Variants in RNF38 observed in about 807,000 individuals in gnomAD.
RNF38 encodes the protein ring finger protein 38.
RNF38 carries 15 observed loss-of-function variants against 67.2 expected under a neutral mutation model. That is an observed-to-expected ratio of 0.22 (90% CI 0.15 to 0.34). RNF38 has a LOEUF of 0.34. Ranked by LOEUF, RNF38 falls within the 10% of genes least tolerant of loss-of-function variation. The probability of loss-of-function intolerance (pLI) is 1.00; values close to 1 mark genes in which losing one functional copy is unlikely to be tolerated. For missense variants in RNF38, 524 were observed against 639.9 expected (o/e 0.82, Z 1.95); for synonymous variants, 220 against 218.8 (o/e 1.01, Z -0.05).
chr9:36,438,904 TA>T (rs1839132267), intron 1 of RNF38, among the ~76,000 whole-genome samples: 2 of 152,196 alleles, frequency 1.3e-5, no homozygotes, highest in South Asian at 4.1e-4. Context: ...CATGAGAGCT[TA>T]GGAACTATTA....
At chr9:36,393,742 T>C (rs898561557) in intron 1 of RNF38, among the ~76,000 whole-genome samples, 4 of 152,186 alleles carry the variant, frequency 2.6e-5, no homozygotes, top group African/African-American at 9.7e-5. Context: ...TGGGTGAGCC[T>C]GGGCATGACT....
intron 2 of RNF38, among the ~76,000 whole-genome samples, chr9:36,389,464 A>G (rs1008383802): frequency 5.3e-5 from 8 of 152,224 alleles, no homozygotes; most frequent in African/African-American, 1.9e-4. Flanking sequence ...CTTCTCTGCC[A>G]AATAACTACA....
chr9:36,408,223 T>G (rs1489481559), intron 2 of RNF38, among the ~76,000 whole-genome samples: 1 of 151,968 alleles, frequency 6.6e-6, no homozygotes, highest in East Asian at 1.9e-4. Context: ...GCCTCAGTGC[T>G]GAGTAGCTGG....
chr9:36,397,011 ATG>A (rs55737922), intron 1 of RNF38, among the ~76,000 whole-genome samples: 141,448 of 148,866 alleles, frequency 0.95, 67,394 homozygotes, highest in South Asian at 0.99. Flanking sequence ...TGCTTTATAT[ATG>A]TGTGTGTGTG....
At chr9:36,475,503 G>A (rs1426128519) in intron 1 of RNF38, among the ~76,000 whole-genome samples, 5 of 151,432 alleles carry the variant, frequency 3.3e-5, no homozygotes, top group African/African-American at 4.8e-5. Context: ...GATTACAGGC[G>A]CCCACCACCA....
chr9:36,390,593 T>C lies in RNF38; in HGVS notation c.36A>G (p.Ala12=), dbSNP rs149578872. 29 of 1,614,002 alleles carry C rather than the reference T, an allele frequency of 1.8e-5. No individual in the cohort carries two copies. The African/African-American group carries it at 2.9e-4, about 16-fold the overall frequency. The change falls in exon 2 of 12, where the codon GCA becomes GCG. Residue 12 remains alanine, a synonymous_variant. Coordinates refer to ENST00000259605, the MANE Select transcript of RNF38 (RefSeq NM_022781.5). ...ACKISPGANS[A]SLPGHPNKVI... is the part of the protein sequence containing the mutation. ...CCTTGTTAGGATGGCCAGGTAGAGA[T>C]GCTGAATTGGCCCCGGGAGATATCT...
intron 2 of RNF38, among the ~76,000 whole-genome samples, chr9:36,384,053 T>C (rs966838610): frequency 1.7e-4 from 26 of 152,164 alleles, no homozygotes; most frequent in African/African-American, 5.8e-4. Flanking sequence ...TGATGTTATA[T>C]ACTATATTTT....
intron 1 of RNF38, among the ~76,000 whole-genome samples, chr9:36,426,697 C>T (rs184543702): frequency 2.8e-4 from 42 of 152,238 alleles, no homozygotes; most frequent in Admixed American, 1.4e-3. Flanking sequence ...TCCAAACTGA[C>T]GGCATCGTTT....
At chr9:36,425,397 T>A (rs1050189507) in intron 1 of RNF38, among the ~76,000 whole-genome samples, 1 of 152,180 alleles carries the variant, frequency 6.6e-6, no homozygotes, top group Non-Finnish European at 1.5e-5. Flanking sequence ...GTTACATTTT[T>A]AAAATAATCT....
At chr9:36,402,454 T>A (rs915274640), upstream of RNF38, among the ~76,000 whole-genome samples, 2 of 150,994 alleles carry the variant, frequency 1.3e-5, no homozygotes, top group Admixed American at 1.3e-4. Flanking sequence ...CTACTGTGGA[T>A]TCGCCTTCCA....
At chr9:36,430,149 A>G (rs1025052455) in intron 1 of RNF38, among the ~76,000 whole-genome samples, 4 of 152,196 alleles carry the variant, frequency 2.6e-5, no homozygotes, top group Non-Finnish European at 4.4e-5. Context: ...CCAGAAATAG[A>G]TAAGACCTCC....
intron 1 of RNF38, among the ~76,000 whole-genome samples, chr9:36,465,877 C>T (rs1008803043): frequency 4.1e-4 from 62 of 151,974 alleles, no homozygotes; most frequent in African/African-American, 1.3e-3. Context: ...GGTGAAACCC[C>T]GTCTCTACTA....
rs948688732 is a variant in RNF38 at position 36,396,740 on chromosome 9, G to A, written c.12+3357C>T. Among the ~76,000 whole-genome samples, 3 of 151,836 alleles carry A rather than the reference G, an allele frequency of 2.0e-5. No individual in the cohort carries two copies. In the South Asian group the frequency reaches 6.2e-4, roughly 32 times the overall value. On this transcript the variant is annotated intron_variant, in intron 1 of 11. Transcript: ENST00000259605. Reference sequence around the variant, plus strand: ...TGTAACCAAAAAAATCTAATTGAATGGAGTGAATTTTATGGTATATAAAAC... The same window carrying A: ...TGTAACCAAAAAAATCTAATTGAATAGAGTGAATTTTATGGTATATAAAAC...
chr9:36,471,455 T>TA (rs1183069016), intron 1 of RNF38, among the ~76,000 whole-genome samples: 1 of 152,204 alleles, frequency 6.6e-6, no homozygotes, highest in Non-Finnish European at 1.5e-5. Context: ...CCTGGTATGG[T>TA]AAAACTAGTT....
intron 2 of RNF38, among the ~76,000 whole-genome samples, chr9:36,381,164 T>C (rs1836184780): frequency 6.6e-6 from 1 of 152,198 alleles, no homozygotes; most frequent in Admixed American, 6.5e-5. Flanking sequence ...TGTGAACCTC[T>C]AAACATAAAA....
At chr9:36,447,178 C>A (rs1264589688) in intron 1 of RNF38, among the ~76,000 whole-genome samples, 5 of 151,690 alleles carry the variant, frequency 3.3e-5, no homozygotes, top group African/African-American at 1.2e-4. Flanking sequence ...TTAAGTGTGG[C>A]CAAAAATTTT....
intron 2 of RNF38, among the ~76,000 whole-genome samples, chr9:36,383,234 G>C (rs1021028010): frequency 1.2e-4 from 19 of 152,012 alleles, no homozygotes; most frequent in Non-Finnish European, 1.5e-4. Context: ...ACAGAGTCTC[G>C]CTCTGCTGCC....
At chr9:36,422,589 T>C (rs1202568062) in intron 2 of RNF38, among the ~76,000 whole-genome samples, 2 of 152,216 alleles carry the variant, frequency 1.3e-5, no homozygotes, top group Non-Finnish European at 2.9e-5. Context: ...AAGTACTACT[T>C]GCTGACTGAA....
At chr9:36,387,618 T>C (rs1017031053) in intron 2 of RNF38, among the ~76,000 whole-genome samples, 1 of 152,192 alleles carries the variant, frequency 6.6e-6, no homozygotes, top group East Asian at 1.9e-4. Context: ...CAAACCTATA[T>C]GCTAAAAAAG....
Sources: allele counts gnomAD v4.1 joint callset (sites outside exome capture counted in the v4.1 genomes callset), GRCh38; gene constraint gnomAD v4.1.1; transcripts MANE v1.5; gene names NCBI Gene and HGNC (gene_info 2026-07-23, HGNC 2026-07-21).